Variants in ST6GAL1 observed in about 807,000 individuals in gnomAD.
ST6GAL1 encodes the protein beta-galactoside alpha-2,6-sialyltransferase 1.
ST6GAL1 carries 20 observed loss-of-function variants against 38.0 expected under a neutral mutation model. The ratio of observed to expected loss-of-function variants is 0.53; its 90% CI spans 0.37 to 0.77. The LOEUF is 0.77. Ranked by LOEUF, ST6GAL1 falls within the 30% of genes least tolerant of loss-of-function variation. The probability of loss-of-function intolerance (pLI) is 0.00; values close to 1 mark genes in which losing one functional copy is unlikely to be tolerated. For missense variants in ST6GAL1, 432 were observed against 496.4 expected, an observed-to-expected ratio of 0.87 and a Z score of 1.23; for synonymous variants, 196 against 188.2, an observed-to-expected ratio of 1.04 and a Z score of -0.34.
rs550829282 is a variant in ST6GAL1 at position 186,965,225 on chromosome 3, A to T, written c.-183+1299A>T. The stretch of plus-strand genomic sequence containing the variant: ...CCGGAAAAGTCACGAAGTTGGTCAG[A>T]GAAGTGTGAAAAGGGAGCCTCAGCA... On this transcript the variant is annotated intron_variant, in intron 2 of 7. Coordinates refer to ENST00000169298, the MANE Select transcript of ST6GAL1 (RefSeq NM_173216.2). 1.7e-4 allele frequency among the ~76,000 whole-genome samples: 26 copies of T among 152,306 alleles called. 1 individual carries two copies. The highest frequency in any genetic ancestry group is 3.4e-3 in the Middle Eastern group (1 of 294).
intron 2 of ST6GAL1, among the ~76,000 whole-genome samples, chr3:187,037,509 T>C (rs1170645022): frequency 6.6e-6 from 1 of 152,222 alleles, no homozygotes; most frequent in Non-Finnish European, 1.5e-5. Context: ...GTATTAAACT[T>C]TTCCTTTGCT....
chr3:187,071,792 A>G (rs1028035547), intron 5 of ST6GAL1, among the ~76,000 whole-genome samples: 77 of 150,158 alleles, frequency 5.1e-4, no homozygotes, highest in Non-Finnish European at 7.8e-4. Context: ...AAAAAAAAAA[A>G]AAAGAAAAAG....
intron 2 of ST6GAL1, among the ~76,000 whole-genome samples, chr3:187,029,429 T>C (rs901762089): frequency 2.0e-5 from 3 of 152,142 alleles, no homozygotes; most frequent in African/African-American, 4.8e-5. Context: ...TAATGAGGCA[T>C]ATGGACATAA....
intron 1 of ST6GAL1, among the ~76,000 whole-genome samples, chr3:186,938,957 T>C (rs1172648420): frequency 6.6e-5 from 10 of 152,034 alleles, no homozygotes; most frequent in Admixed American, 6.6e-4. Context: ...GGACTGTGTG[T>C]GTGTATGTGT....
chr3:186,939,105 G>A (rs181077027), intron 1 of ST6GAL1, among the ~76,000 whole-genome samples: 43 of 146,942 alleles, frequency 2.9e-4, no homozygotes, highest in Admixed American at 8.3e-4. Context: ...ACAGGGTCTC[G>A]CACTGTCACC....
intron 3 of ST6GAL1, among the ~76,000 whole-genome samples, chr3:187,039,139 A>G (rs1046687047): frequency 6.6e-6 from 1 of 152,174 alleles, no homozygotes; most frequent in Non-Finnish European, 1.5e-5. Flanking sequence ...CTGAGTACCT[A>G]CTACCTGCCA....
At chr3:186,970,412 A>G (rs1462821622) in intron 2 of ST6GAL1, among the ~76,000 whole-genome samples, 1 of 148,774 alleles carries the variant, frequency 6.7e-6, no homozygotes, top group Non-Finnish European at 1.5e-5. Context: ...TTTAGTGGAG[A>G]CAAGGTTTCA....
intron 2 of ST6GAL1, among the ~76,000 whole-genome samples, chr3:187,024,493 T>TATAGAGAGAG (rs1275438498): frequency 1.2e-5 from 1 of 85,772 alleles, no homozygotes; most frequent in South Asian, 3.5e-4. Flanking sequence ...TATATATATA[T>TATAGAGAGAG]AGAGAGAGAG....
At chr3:186,934,805 C>T (rs942491390) in intron 1 of ST6GAL1, among the ~76,000 whole-genome samples, 5 of 151,776 alleles carry the variant, frequency 3.3e-5, no homozygotes, top group Middle Eastern at 3.4e-3. Flanking sequence ...CTCGCTCTGT[C>T]ACCCAGGCTG....
At chr3:186,931,637 G>T (rs995930040) in intron 1 of ST6GAL1, among the ~76,000 whole-genome samples, 1 of 152,216 alleles carries the variant, frequency 6.6e-6, no homozygotes, top group East Asian at 1.9e-4. Context: ...CCCGCACTCC[G>T]GCGATTGCCT....
chr3:186,968,566 C>T (rs1265015089), intron 2 of ST6GAL1, among the ~76,000 whole-genome samples: 1 of 152,178 alleles, frequency 6.6e-6, no homozygotes, highest in Non-Finnish European at 1.5e-5. Flanking sequence ...AACCACTGGA[C>T]TAAGCTGCTT....
Position 187,042,838 on chromosome 3 carries a change from C to A in ST6GAL1, c.135C>A (p.Phe45Leu). Residue 45 changes from phenylalanine (F) to leucine (L), a missense_variant, in exon 4 of 8, where the codon TTC becomes TTA. Coordinates refer to ENST00000169298, the MANE Select transcript of ST6GAL1 (RefSeq NM_173216.2). ...CCTTTAAATTGCAAACCAAGGAATTCCAGGTGTTAAAGAGTCTGGGGAAAT... is the reference window on the plus strand; with the variant it reads ...CCTTTAAATTGCAAACCAAGGAATTACAGGTGTTAAAGAGTCTGGGGAAAT... Reference protein sequence around the residue: ...YDSFKLQTKEFQVLKSLGKLA... With the variant: ...YDSFKLQTKELQVLKSLGKLA... 1 of 1,614,134 alleles carries A rather than the reference C, an allele frequency of 6.2e-7. No individual in the cohort carries two copies. Among genetic ancestry groups the A allele is most frequent in the Non-Finnish European group, 8.5e-7 (1 of 1,180,012 alleles).
In ST6GAL1 at chr3:187,075,276, T is replaced by C. The variant is rs1236941246; in HGVS notation, c.980-286T>C. Among the ~76,000 whole-genome samples the C allele has an allele frequency of 6.6e-6, 1 of 152,222 alleles. No individual in the cohort carries two copies. The highest frequency in any genetic ancestry group is 1.5e-5 in the Non-Finnish European group (1 of 68,038). On this transcript the variant is annotated intron_variant, in intron 7 of 7. Coordinates refer to ENST00000169298, the MANE Select transcript of ST6GAL1 (RefSeq NM_173216.2). The surrounding 1 kb of genome is among the most constrained non-coding windows in gnomAD (Gnocchi z 4.1). The stretch of plus-strand genomic sequence containing the variant: ...ATGGATACATTCATTGGCTGATTGA[T>C]GGAGTCATTTAATCTACTAGCATTT...
At chr3:187,067,756 A>G (rs1560184128) in intron 5 of ST6GAL1, among the ~76,000 whole-genome samples, 1 of 152,100 alleles carries the variant, frequency 6.6e-6, no homozygotes, top group Non-Finnish European at 1.5e-5. Context: ...GAGCAGAAAG[A>G]ATATCTGTTA....
In ST6GAL1 at chr3:187,075,505, G is replaced by A; in HGVS notation, c.980-57G>A. 1 of 1,598,070 alleles carries A rather than the reference G, an allele frequency of 6.3e-7. No homozygotes were observed. The highest frequency in any genetic ancestry group is 2.2e-5 in the East Asian group (1 of 44,642). ...TGAGCTGCTGAACCCACTGGGCAGA[G>A]CTCTGGGGTGCTGGGGTGGGTTGTC... On this transcript the variant is annotated intron_variant, in intron 7 of 7. Transcript: ENST00000169298. This position sits in a 1 kb window ranked among gnomAD's most constrained non-coding sequence, Gnocchi z 4.1.
chr3:186,939,746 A>G (rs1714096991), intron 1 of ST6GAL1, among the ~76,000 whole-genome samples: 1 of 152,146 alleles, frequency 6.6e-6, no homozygotes, highest in African/African-American at 2.4e-5. Context: ...CCGGTCTCTC[A>G]TGCCGAAGAT....
intron 2 of ST6GAL1, among the ~76,000 whole-genome samples, chr3:186,967,358 A>AT (rs1274305683): frequency 6.6e-6 from 1 of 152,002 alleles, no homozygotes; most frequent in Non-Finnish European, 1.5e-5. Context: ...CACCCAGCTA[A>AT]TTTTTGTATT....
In ST6GAL1 at chr3:187,000,875, A is replaced by G. The variant is rs116644780; in HGVS notation, c.-183+36949A>G. Among the ~76,000 whole-genome samples, 828 of 152,346 alleles carry G rather than the reference A, an allele frequency of 5.4e-3. 7 individuals carry two copies. Among genetic ancestry groups the G allele is most frequent in the Non-Finnish European group, 6.1e-3 (416 of 68,030 alleles). On this transcript the variant is annotated intron_variant, in intron 2 of 7. Transcript: ENST00000169298. ...AACTGTTTTGCTATTAATCACCAGC[A>G]TTGGGTGTGAAAATTTACTCAAAGT...
chr3:187,069,860 C>T (rs77623636), intron 5 of ST6GAL1, among the ~76,000 whole-genome samples: 2,098 of 152,314 alleles, frequency 0.014, 29 homozygotes, highest in Non-Finnish European at 0.019. Context: ...CACATCCCCC[C>T]ACACTAGCTT....
Sources: gnomAD v4.1 joint callset for allele counts (sites outside exome capture counted in the v4.1 genomes callset) on GRCh38, gnomAD v4.1.1 for gene constraint, Gnocchi (gnomAD v3.1) non-coding constraint, MANE v1.5 for transcripts, NCBI Gene and HGNC (gene_info 2026-07-23, HGNC 2026-07-21) for gene names.